Variants in CHRNA7 observed in about 807,000 individuals in gnomAD.
The protein encoded by CHRNA7 is neuronal acetylcholine receptor subunit alpha-7.
In CHRNA7, 17 loss-of-function variants were observed where a neutral mutation model predicts 48.0. That is an observed-to-expected ratio of 0.35 (90% CI 0.24 to 0.53). The LOEUF is 0.53. Among genes scored for constraint, CHRNA7 ranks in the 20% least tolerant of loss-of-function variants. The pLI, the probability that CHRNA7 is intolerant of heterozygous loss-of-function variation, is 0.92. For missense variants in CHRNA7, 155 were observed against 577.7 expected (o/e 0.27, Z 7.50); for synonymous variants, 75 against 242.3 (o/e 0.31, Z 6.41).
intron 2 of CHRNA7, among the ~76,000 whole-genome samples, chr15:32,082,565 A>G (rs767144328): frequency 6.6e-6 from 1 of 152,238 alleles, no homozygotes; most frequent in Non-Finnish European, 1.5e-5. Flanking sequence ...ATCATAGAAT[A>G]GAACTTAACA....
chr15:32,070,979 G>A (rs1189631957), intron 2 of CHRNA7, among the ~76,000 whole-genome samples: 1 of 152,010 alleles, frequency 6.6e-6, no homozygotes, highest in Non-Finnish European at 1.5e-5. Flanking sequence ...GAGCCACCGT[G>A]CCTGGCCTAG....
chr15:32,133,379 A>G (rs576886895), intron 4 of CHRNA7, among the ~76,000 whole-genome samples: 112 of 152,362 alleles, frequency 7.4e-4, no homozygotes, highest in African/African-American at 2.5e-3. Flanking sequence ...GCTACAAGCT[A>G]TAAGCAGGCA....
rs572297792 is a variant in CHRNA7, at chr15:32,071,518, C to G, written c.196-29785C>G. Among the ~76,000 whole-genome samples, 132 of 152,314 alleles carry G rather than the reference C, an allele frequency of 8.7e-4. 3 individuals are homozygous for G. In the South Asian group the frequency reaches 0.026, roughly 30 times the overall value. On this transcript the variant is annotated intron_variant, in intron 2 of 9. Coordinates refer to ENST00000306901, the MANE Select transcript of CHRNA7 (RefSeq NM_000746.6). ...AGCCATTTGATATGGATTGTCCCCT[C>G]CAGATCTCATGTTGAAATGTGATCC...
chr15:32,082,020 G>A (rs932776992), intron 2 of CHRNA7, among the ~76,000 whole-genome samples: 48 of 152,094 alleles, frequency 3.2e-4, no homozygotes, highest in African/African-American at 9.9e-4. Flanking sequence ...CATTTGAAAA[G>A]GTTGTTTTTC....
chr15:32,070,111 A>G (rs1345135303), intron 2 of CHRNA7, among the ~76,000 whole-genome samples: 1 of 152,244 alleles, frequency 6.6e-6, no homozygotes, highest in Non-Finnish European at 1.5e-5. Context: ...AAAACTATAT[A>G]GTTTAAGTAT....
At chr15:32,143,864 C>G (rs1322255593) in intron 4 of CHRNA7, among the ~76,000 whole-genome samples, 2 of 152,134 alleles carry the variant, frequency 1.3e-5, no homozygotes, top group African/African-American at 4.8e-5. Context: ...GGTCTTGACT[C>G]TTTATCCAAT....
intron 2 of CHRNA7, among the ~76,000 whole-genome samples, chr15:32,095,704 AT>A (rs2050457584): frequency 6.6e-6 from 1 of 152,226 alleles, no homozygotes; most frequent in Non-Finnish European, 1.5e-5. Context: ...TCTAACCATT[AT>A]GAAAAAAAGA....
intron 2 of CHRNA7, among the ~76,000 whole-genome samples, chr15:32,060,836 G>A (rs1437301176): frequency 1.3e-5 from 2 of 152,180 alleles, no homozygotes; most frequent in Non-Finnish European, 1.5e-5. Context: ...AACCATCTGC[G>A]GCGGGAGGGC....
chr15:32,031,068 C>T, intron 2 of CHRNA7, 31 bp downstream of exon 2: 8 of 1,612,198 alleles, frequency 5.0e-6, no homozygotes, highest in Non-Finnish European at 6.8e-6. Context: ...GGGCTGCCCT[C>T]TCCCCTTCCT....
intron 4 of CHRNA7, among the ~76,000 whole-genome samples, chr15:32,148,295 T>C (rs2051534971): frequency 6.6e-6 from 1 of 152,188 alleles, no homozygotes; most frequent in African/African-American, 2.4e-5. Flanking sequence ...TTGCTGGACT[T>C]CTTTGATGGC....
intron 4 of CHRNA7, among the ~76,000 whole-genome samples, chr15:32,114,061 C>CACATATATAT (rs1555383701): frequency 8.3e-6 from 1 of 120,226 alleles, no homozygotes; most frequent in Non-Finnish European, 1.7e-5. Context: ...TATATATATA[C>CACATATATAT]ATATATATAT....
chr15:32,114,264 G>C (rs899144947), intron 4 of CHRNA7, among the ~76,000 whole-genome samples: 1 of 151,750 alleles, frequency 6.6e-6, no homozygotes, highest in Non-Finnish European at 1.5e-5. Flanking sequence ...ACTCCAAAAT[G>C]TAAAATGTTT....
At chr15:32,051,422 T>G (rs4779965) in intron 2 of CHRNA7, among the ~76,000 whole-genome samples, 19 of 152,100 alleles carry the variant, frequency 1.2e-4, no homozygotes, top group Admixed American at 3.9e-4. Context: ...TAGCAATCAG[T>G]GAGACTCCAT....
intron 3 of CHRNA7, among the ~76,000 whole-genome samples, chr15:32,110,799 T>G (rs2050750867): frequency 6.6e-6 from 1 of 152,222 alleles, no homozygotes; most frequent in South Asian, 2.1e-4. Flanking sequence ...AATAGGCATG[T>G]TTTGCTGCAG....
At chr15:32,061,239 C>T (rs1374223497) in intron 2 of CHRNA7, among the ~76,000 whole-genome samples, 2 of 152,114 alleles carry the variant, frequency 1.3e-5, no homozygotes, top group African/African-American at 4.8e-5. Flanking sequence ...AAGTGCCAGC[C>T]TCACCCAGCC....
intron 2 of CHRNA7, among the ~76,000 whole-genome samples, chr15:32,058,418 C>T (rs1417176337): frequency 6.6e-6 from 1 of 152,146 alleles, no homozygotes; most frequent in Non-Finnish European, 1.5e-5. Flanking sequence ...GAAATTTTCC[C>T]TTTCCGGGGG....
chr15:32,108,736 A>G (rs2050713738), intron 3 of CHRNA7, among the ~76,000 whole-genome samples: 1 of 152,178 alleles, frequency 6.6e-6, no homozygotes, highest in Admixed American at 6.5e-5. Context: ...AGGATTTTGT[A>G]AAATGGGGAA....
At chr15:32,108,268 A>G (rs1408546751) in intron 3 of CHRNA7, among the ~76,000 whole-genome samples, 3 of 152,072 alleles carry the variant, frequency 2.0e-5, no homozygotes. Flanking sequence ...GTGTCCCCTC[A>G]CAACTCCACA....
intron 2 of CHRNA7, among the ~76,000 whole-genome samples, chr15:32,037,118 G>T (rs1316519683): frequency 6.6e-6 from 1 of 152,072 alleles, no homozygotes; most frequent in African/African-American, 2.4e-5. Context: ...AGGGTGTAAG[G>T]TCCGTGTCTA....
Sources: allele counts gnomAD v4.1 joint callset (sites outside exome capture counted in the v4.1 genomes callset), GRCh38; gene constraint gnomAD v4.1.1; transcripts MANE v1.5; gene names NCBI Gene and HGNC (gene_info 2026-07-23, HGNC 2026-07-21).